Variants in CDK18 observed in about 807,000 individuals in gnomAD.
The protein encoded by CDK18 is cyclin-dependent kinase 18.
A neutral mutation model predicts 62.0 loss-of-function variants in CDK18; 52 were observed. The observed-to-expected ratio is 0.84, with a 90% CI of 0.67 to 1.06. The LOEUF is 1.06. Among genes scored for constraint, CDK18 ranks in the 50% least tolerant of loss-of-function variants. CDK18 has a pLI of 0.00. For missense variants in CDK18, 604 were observed against 619.9 expected (o/e 0.97, Z 0.27); for synonymous variants, 237 against 247.0 (o/e 0.96, Z 0.38).
intron 1 of CDK18, chr1:205,522,786 A>T (rs1291552451): frequency 6.0e-6 from 1 of 165,358 alleles, no homozygotes; most frequent in African/African-American, 2.4e-5. Flanking sequence ...GACCTCCAGC[A>T]GCTAAAGGGC....
At position 205,523,260 on chromosome 1, in the gene CDK18, G is replaced by A. The variant is rs1054480556; in HGVS notation, c.93G>A (p.Thr31=). 15 of 1,614,148 alleles carry A rather than the reference G, an allele frequency of 9.3e-6. No individual in the cohort carries two copies. Among genetic ancestry groups the A allele is most frequent in the Admixed American group, 1.7e-5 (1 of 60,016 alleles). The stretch of plus-strand genomic sequence containing the variant: ...TTGAAGAATCCTTGGCTGAATTCAC[G>A]GAGCAATTCAACCAGCTCCACAACC... ...ETIEESLAEF[T]EQFNQLHNRR... The change falls in exon 2 of 16, where the codon ACG becomes ACA. Residue 31 remains threonine, a synonymous_variant. Coordinates refer to ENST00000429964, the MANE Select transcript of CDK18 (RefSeq NM_212502.3).
rs1056261596 is a variant in CDK18, at chr1:205,527,728, G to C, written c.730-66G>C. On this transcript the variant is annotated intron_variant, in intron 8 of 15. Transcript: ENST00000429964. The surrounding 1 kb of genome is among the most constrained non-coding windows in gnomAD (Gnocchi z 4.1). Reference sequence around the variant, plus strand: ...CTGCCAAGCCCCTGCCCCCATCCTGGTCCCAGCCTTGGAGCAGAGGCTCAG... The same window carrying C: ...CTGCCAAGCCCCTGCCCCCATCCTGCTCCCAGCCTTGGAGCAGAGGCTCAG... The C allele has an allele frequency of 6.4e-7, 1 of 1,552,892 alleles. No individual in the cohort carries two copies. The highest frequency in any genetic ancestry group is 8.8e-7 in the Non-Finnish European group (1 of 1,132,306).
intron 1 of CDK18, among the ~76,000 whole-genome samples, chr1:205,514,490 G>A (rs573766350): frequency 5.9e-5 from 9 of 152,296 alleles, no homozygotes; most frequent in Admixed American, 2.0e-4. Context: ...GACAGGAGAT[G>A]GCCTAATGAG....
In CDK18 at chr1:205,529,066, G is replaced by C. The variant is rs1486414573; in HGVS notation, c.1042G>C (p.Glu348Gln). The C allele has an allele frequency of 6.3e-7, 1 of 1,593,072 alleles. No homozygotes were observed. The highest frequency in any genetic ancestry group is 1.8e-5 in the Admixed American group (1 of 56,952). Residue 348 changes from glutamate (E) to glutamine (Q), a missense_variant, in exon 11 of 16, where the codon GAG becomes CAG. Transcript: ENST00000429964. ...RPLFPGSTVK[E>Q]ELHLIFRLLG... ...CCTCTTCCCGGGCTCCACAGTCAAG[G>C]AGGAGCTGCACCTCATCTTTCGCCT...
intron 5 of CDK18, 40 bp downstream of exon 5, chr1:205,525,235 G>T: frequency 2.0e-6 from 3 of 1,519,216 alleles, no homozygotes; most frequent in Non-Finnish European, 2.7e-6. Flanking sequence ...TAGCCAGGCA[G>T]GATGGCTTGG....
intron 1 of CDK18, among the ~76,000 whole-genome samples, chr1:205,510,414 C>T (rs975066357): frequency 2.0e-5 from 3 of 152,150 alleles, no homozygotes; most frequent in African/African-American, 7.2e-5. Flanking sequence ...AGCACTGGCT[C>T]CCAAACTCTG....
chr1:205,531,215 G>A (rs557446177), intron 15 of CDK18, 129 bp from the exon 16 acceptor site: 485 of 776,956 alleles, frequency 6.2e-4, no homozygotes, highest in Non-Finnish European at 9.1e-4. Flanking sequence ...AGGTCAGACC[G>A]GCTCCTGTTT....
At chr1:205,526,880 T>C (rs368233715) in intron 8 of CDK18, 43 bp downstream of exon 8, 5 of 1,532,366 alleles carry the variant, frequency 3.3e-6, no homozygotes, top group African/African-American at 2.7e-5. Context: ...GGCAGCCACC[T>C]GTCCAGAAGC....
Position 205,526,794 on chromosome 1 carries a change from A to C in CDK18, c.686A>C (p.Tyr229Ser). Residue 229 changes from tyrosine to serine, a missense_variant, in exon 8 of 16, where the codon TAT (tyrosine) becomes TCT (serine). Coordinates refer to ENST00000429964, the MANE Select transcript of CDK18 (RefSeq NM_212502.3). ...FEYLDSDLKQYLDHCGNLMSM... is the reference protein window; with the variant it reads ...FEYLDSDLKQSLDHCGNLMSM... Reference sequence around the variant, plus strand: ...TTCCAGGACAGTGACCTGAAGCAGTATCTGGACCACTGTGGGAACCTCATG... The same window carrying C: ...TTCCAGGACAGTGACCTGAAGCAGTCTCTGGACCACTGTGGGAACCTCATG... The C allele has an allele frequency of 2.5e-6, 4 of 1,614,128 alleles. No homozygotes were observed. The highest frequency in any genetic ancestry group is 3.4e-6 in the Non-Finnish European group (4 of 1,179,954).
rs1668520157 is a variant in CDK18 at position 205,527,856 on chromosome 1, G to GCAA, written c.792_793insCAA (p.Arg264_Asp265insGln). The GCAA allele has an allele frequency of 6.2e-7, 1 of 1,614,006 alleles. No individual in the cohort carries two copies. The highest frequency in any genetic ancestry group is 1.3e-5 in the African/African-American group (1 of 74,908). On this transcript the variant is annotated inframe_insertion, in exon 9 of 16. Coordinates refer to ENST00000429964, the MANE Select transcript of CDK18 (RefSeq NM_212502.3). This position sits in a 1 kb window ranked among gnomAD's most constrained non-coding sequence, Gnocchi z 4.1. ...GTCACCACCGCAAGATCCTGCACCG[G>GCAA]GACCTGAAGCCCCAGAACCTGCTCA...
intron 1 of CDK18, among the ~76,000 whole-genome samples, chr1:205,513,569 G>A (rs1190835667): frequency 6.6e-6 from 1 of 152,260 alleles, no homozygotes; most frequent in African/African-American, 2.4e-5. Context: ...TAGGACTGAA[G>A]TGGAGCCACA....
intron 13 of CDK18, 32 bp from the exon 14 acceptor site, chr1:205,530,227 C>A (rs12042887): frequency 0.17 from 266,290 of 1,607,790 alleles, 27,782 homozygotes; most frequent in South Asian, 0.38. Context: ...GCCCCCCAGC[C>A]GGGCCCAATA....
chr1:205,510,253 T>C (rs543319135), intron 1 of CDK18, among the ~76,000 whole-genome samples: 16 of 152,044 alleles, frequency 1.1e-4, no homozygotes, highest in Non-Finnish European at 1.6e-4. Context: ...CCTTCTTCTC[T>C]TCTCTGGCCC....
In CDK18 at chr1:205,523,707, C is replaced by A. The variant is rs576897417; in HGVS notation, c.273+82C>A. ...GCACAGGAGGGCAGCTGCCTTACAG[C>A]CAGACTTTGTGAGTTCAAATTCCAC... On this transcript the variant is annotated intron_variant, in intron 3 of 15. Coordinates refer to ENST00000429964, the MANE Select transcript of CDK18 (RefSeq NM_212502.3). 2 of 1,475,488 alleles carry A rather than the reference C, an allele frequency of 1.4e-6. No homozygotes were observed. Among genetic ancestry groups the A allele is most frequent in the East Asian group, 2.5e-5 (1 of 39,996 alleles). The allele number at this position is 1,475,488 out of a possible 1,614,324, so 91.4% of individuals were successfully genotyped here. A position where few individuals can be genotyped will look rare whatever the true frequency, so the allele number is the denominator to read the frequency against.
Position 205,504,787 on chromosome 1 carries a change from G to A in CDK18, c.-31G>A, listed in dbSNP as rs967772045. The A allele has an allele frequency of 5.2e-5, 8 of 152,400 alleles. No individual in the cohort carries two copies. In the East Asian group the frequency reaches 1.2e-3, roughly 22 times the overall value. 9.4% of individuals were successfully genotyped at this position (152,400 alleles called of 1,614,324 possible). On this transcript the variant is annotated 5_prime_UTR_variant, in exon 1 of 16. Coordinates refer to ENST00000429964, the MANE Select transcript of CDK18 (RefSeq NM_212502.3). The stretch of plus-strand genomic sequence containing the variant: ...GGAGCGGGCGCACCGCGGCCCCCAG[G>A]ACACGCGCTGTGAGTCCCGCGGGCG...
chr1:205,530,032 G>A, intron 13 of CDK18: 1 of 1,417,602 alleles, frequency 7.1e-7, no homozygotes, highest in East Asian at 2.6e-5. Flanking sequence ...CTCTCCTGAA[G>A]TTTCATTTCT....
intron 1 of CDK18, among the ~76,000 whole-genome samples, chr1:205,515,595 G>A (rs1303418714): frequency 1.3e-5 from 2 of 152,184 alleles, no homozygotes; most frequent in African/African-American, 4.8e-5. Context: ...TAGCAGCAAG[G>A]AAACTGAGGC....
At chr1:205,531,163 A>C (rs183410099) in intron 15 of CDK18, among the ~76,000 whole-genome samples, 181 bp from the exon 16 acceptor site, 280 of 152,318 alleles carry the variant, frequency 1.8e-3, no homozygotes, top group African/African-American at 6.0e-3. Flanking sequence ...TTAAGTCACA[A>C]GTTCATGCAG....
At chr1:205,514,202 C>A (rs1036071281) in intron 1 of CDK18, among the ~76,000 whole-genome samples, 2 of 152,194 alleles carry the variant, frequency 1.3e-5, no homozygotes, top group African/African-American at 4.8e-5. Flanking sequence ...GAAGAGGGAC[C>A]ATCACCTGGC....
Sources: gnomAD v4.1 joint callset for allele counts (sites outside exome capture counted in the v4.1 genomes callset) on GRCh38, gnomAD v4.1.1 for gene constraint, Gnocchi (gnomAD v3.1) non-coding constraint, MANE v1.5 for transcripts, NCBI Gene and HGNC (gene_info 2026-07-23, HGNC 2026-07-21) for gene names.